The following SEMA6B variants were observed in gnomAD, a reference collection of about 807,000 sequenced individuals.
The protein encoded by SEMA6B is semaphorin-6B.
Under a neutral mutation model 78.6 loss-of-function variants are expected in SEMA6B, and 47 were observed. The ratio of observed to expected loss-of-function variants is 0.60; its 90% CI spans 0.47 to 0.76. SEMA6B has a LOEUF of 0.76. SEMA6B is among the 30% of genes least tolerant of loss of function. The probability of loss-of-function intolerance (pLI) is 0.00; values close to 1 mark genes in which losing one functional copy is unlikely to be tolerated. For missense variants in SEMA6B, 1,213 were observed against 1,269.9 expected, an observed-to-expected ratio of 0.96 and a Z score of 0.68; for synonymous variants, 632 against 592.2, an observed-to-expected ratio of 1.07 and a Z score of -0.98.
rs1040647655 is a variant in SEMA6B at position 4,555,717 on chromosome 19, C to T, written c.472-153G>A. 1.3e-5 allele frequency among the ~76,000 whole-genome samples: 2 copies of T among 152,340 alleles called. No individual in the cohort carries two copies. Among genetic ancestry groups the T allele is most frequent in the East Asian group, 1.9e-4 (1 of 5,188 alleles). ...CTTAACCTCTCAGGGCCTCAGTTTA[C>T]TGATCTGTAAATGGGTTTAAGAGTC... On this transcript the variant is annotated intron_variant, in intron 6 of 16. Transcript: ENST00000586582. The surrounding 1 kb of genome is among the most constrained non-coding windows in gnomAD (Gnocchi z 6.1).
Position 4,550,934 on chromosome 19 carries a change from A to G in SEMA6B, c.990-4T>C, listed in dbSNP as rs367556731. 6.2e-6 allele frequency: 10 copies of G among 1,613,328 alleles called. No homozygotes were observed. Among genetic ancestry groups the G allele is most frequent in the Non-Finnish European group, 8.5e-6 (10 of 1,179,940 alleles). On this transcript the variant is annotated splice_polypyrimidine_tract_variant and splice_region_variant and intron_variant, in intron 10 of 16. Coordinates refer to ENST00000586582, the MANE Select transcript of SEMA6B (RefSeq NM_032108.4). The surrounding 1 kb of genome is among the most constrained non-coding windows in gnomAD (Gnocchi z 6.6). ...GCAGACAGCCGAGCCAGGGATGCTG[A>G]GGGGTTGGGATGAAAGAGTTTGGTG... is the stretch of plus-strand genomic sequence containing the variant.
chr19:4,555,657 T>A lies in SEMA6B; in HGVS notation c.472-93A>T, dbSNP rs558322705. 3 of 1,002,904 alleles carry A rather than the reference T, an allele frequency of 3.0e-6. No individual in the cohort carries two copies. The African/African-American group carries it at 4.8e-5, about 16-fold the overall frequency. 62.1% of individuals were successfully genotyped at this position (1,002,904 alleles called of 1,614,324 possible). On this transcript the variant is annotated intron_variant, in intron 6 of 16. Coordinates refer to ENST00000586582, the MANE Select transcript of SEMA6B (RefSeq NM_032108.4). This position sits in a 1 kb window ranked among gnomAD's most constrained non-coding sequence, Gnocchi z 6.1. Reference sequence around the variant, plus strand: ...CCCCCCACTCCAGGGGGAATCCTGATCCACCACGGATTACTGTGTGACCTT... The same window carrying A: ...CCCCCCACTCCAGGGGGAATCCTGAACCACCACGGATTACTGTGTGACCTT...
In SEMA6B at chr19:4,544,568, G is replaced by A. The variant is rs769282597; in HGVS notation, c.1739-39C>T. On this transcript the variant is annotated intron_variant, in intron 16 of 16. Coordinates refer to ENST00000586582, the MANE Select transcript of SEMA6B (RefSeq NM_032108.4). The surrounding 1 kb of genome is among the most constrained non-coding windows in gnomAD (Gnocchi z 5.1). ...ACAGGGGGGTTAGTGGGGCCGGCGG[G>A]GTGGCCCTGGGCATCCCTCCTACCT... is the stretch of plus-strand genomic sequence containing the variant. 6.6e-6 allele frequency: 9 copies of A among 1,356,424 alleles called. No individual in the cohort carries two copies. Among genetic ancestry groups the A allele is most frequent in the Non-Finnish European group, 8.7e-6 (9 of 1,034,350 alleles). The allele number at this position is 1,356,424 out of a possible 1,614,324, so 84.0% of individuals were successfully genotyped here.
chr19:4,558,121 G>A lies in SEMA6B; in HGVS notation c.150C>T (p.Gly50=). 1 of 1,520,710 alleles carries A rather than the reference G, an allele frequency of 6.6e-7. No homozygotes were observed. The highest frequency in any genetic ancestry group is 1.7e-4 in the Middle Eastern group (1 of 5,720). 94.2% of individuals were successfully genotyped at this position (1,520,710 alleles called of 1,614,324 possible). A position where few individuals can be genotyped will look rare whatever the true frequency, so the allele number is the denominator to read the frequency against. The change falls in exon 3 of 17, where the codon GGC becomes GGT. Residue 50 remains glycine, a synonymous_variant. Transcript: ENST00000586582. This position sits in a 1 kb window ranked among gnomAD's most constrained non-coding sequence, Gnocchi z 5.1. Reference sequence around the variant, plus strand: ...CGGGGGTCAGGCGTCCGGGCCCGCTGCCCACAAACACGGGATAGTGGTTCA... The same window carrying A: ...CGGGGGTCAGGCGTCCGGGCCCGCTACCCACAAACACGGGATAGTGGTTCA... ...DYLNHYPVFV[G]SGPGRLTPAE... is the part of the protein sequence containing the mutation.
intron 12 of SEMA6B, among the ~76,000 whole-genome samples, chr19:4,549,270 T>C (rs1366482231): frequency 2.0e-5 from 3 of 151,388 alleles, no homozygotes; most frequent in East Asian, 3.9e-4. Context: ...CCCCCTTTGT[T>C]CTCCTGGTGT....
rs1408034628 is a variant in SEMA6B at position 4,555,129 on chromosome 19, A to G, written c.563-34T>C. 16 of 1,611,572 alleles carry G rather than the reference A, an allele frequency of 9.9e-6. No individual in the cohort carries two copies. Among genetic ancestry groups the G allele is most frequent in the East Asian group, 2.2e-5 (1 of 44,876 alleles). On this transcript the variant is annotated intron_variant, in intron 7 of 16. Transcript: ENST00000586582. This position sits in a 1 kb window ranked among gnomAD's most constrained non-coding sequence, Gnocchi z 6.1. The stretch of plus-strand genomic sequence containing the variant: ...GGTGGGTGGGGAAGGCAGGCAAGAG[A>G]TGAGACCGCAGAGGCCAGGGGCTGG...
rs771903243 is a variant in SEMA6B, at chr19:4,552,481, G to C, written c.930C>G (p.Gly310=). 56 of 1,610,650 alleles carry C rather than the reference G, an allele frequency of 3.5e-5. No homozygotes were observed. The highest frequency in any genetic ancestry group is 4.7e-5 in the Non-Finnish European group (55 of 1,179,084). The change falls in exon 10 of 17, where the codon GGC becomes GGG. Residue 310 remains glycine (G), a synonymous_variant. Transcript: ENST00000586582. This position sits in a 1 kb window ranked among gnomAD's most constrained non-coding sequence, Gnocchi z 7.4. Reference sequence around the variant, plus strand: ...CGGGCCGGCCCCCGAGGCTGACCACGCCCGTGACAGCCTGCAGCACGTTGA... The same window carrying C: ...CGGGCCGGCCCCCGAGGCTGACCACCCCCGTGACAGCCTGCAGCACGTTGA... The part of the protein sequence containing the change: ...FYFNVLQAVT[G]VVSLGGRPVV...
In SEMA6B at chr19:4,543,427, G is replaced by A. The variant is rs943762080; in HGVS notation, c.*174C>T. The A allele has an allele frequency of 1.0e-5, 4 of 389,494 alleles. No homozygotes were observed. Among genetic ancestry groups the A allele is most frequent in the Non-Finnish European group, 1.8e-5 (4 of 220,878 alleles). 24.1% of individuals were successfully genotyped at this position (389,494 alleles called of 1,614,324 possible). On this transcript the variant is annotated 3_prime_UTR_variant, in exon 17 of 17. Transcript: ENST00000586582. ...AGCGTCCTGCGGCCCCGGGTAGGGG[G>A]AGGGCGAGCTGGTTGTGCTTCCTTG... is the stretch of plus-strand genomic sequence containing the variant.
Position 4,546,482 on chromosome 19 carries a change from A to G in SEMA6B, c.1602-13T>C. ...GCCGATACAGTTCCTAGAGCAGACC[A>G]GGGACCGAATGGGACAAGTGTCCAA... On this transcript the variant is annotated splice_polypyrimidine_tract_variant and intron_variant, in intron 14 of 16. Transcript: ENST00000586582. 2 of 1,541,548 alleles carry G rather than the reference A, an allele frequency of 1.3e-6. No homozygotes were observed. Among genetic ancestry groups the G allele is most frequent in the East Asian group, 2.4e-5 (1 of 41,050 alleles).
chr19:4,553,219 T>A (rs1173224039), intron 9 of SEMA6B, among the ~76,000 whole-genome samples: 1 of 152,134 alleles, frequency 6.6e-6, no homozygotes, highest in African/African-American at 2.4e-5. Flanking sequence ...GATGTGTGGG[T>A]GGATGGATGA....
intron 12 of SEMA6B, among the ~76,000 whole-genome samples, chr19:4,548,935 C>T (rs2079768544): frequency 6.6e-6 from 1 of 152,228 alleles, no homozygotes; most frequent in African/African-American, 2.4e-5. Context: ...TCTCCTGCCT[C>T]AGCCTCCCAA....
chr19:4,552,722 A>C lies in SEMA6B; in HGVS notation c.772-83T>G. On this transcript the variant is annotated intron_variant, in intron 9 of 16. Transcript: ENST00000586582. This position sits in a 1 kb window ranked among gnomAD's most constrained non-coding sequence, Gnocchi z 7.4. ...CACAGGCTGTGCCACTCACCACCCA[A>C]ACTGTGATGGAGGAGTCTGACCCTG... is the stretch of plus-strand genomic sequence containing the variant. The C allele has an allele frequency of 3.1e-6, 4 of 1,309,250 alleles. No homozygotes were observed. The highest frequency in any genetic ancestry group is 1.5e-5 in the African/African-American group (1 of 68,186). The allele number at this position is 1,309,250 out of a possible 1,614,324, so 81.1% of individuals were successfully genotyped here. A position where few individuals can be genotyped will look rare whatever the true frequency, so the allele number is the denominator to read the frequency against.
At position 4,548,359 on chromosome 19, in the gene SEMA6B, G is replaced by C. The variant is rs186951396; in HGVS notation, c.1358C>G (p.Thr453Arg). The C allele has an allele frequency of 1.4e-5, 23 of 1,613,798 alleles. No homozygotes were observed. In the East Asian group the frequency reaches 5.1e-4, roughly 36 times the overall value. Reference protein sequence around the residue: ...TVVFLGSEAGTVLKFLVRPNA... With the variant: ...TVVFLGSEAGRVLKFLVRPNA... ...GGGCCGGACGAGGAACTTGAGGACCGTCCCCGCCTCAGAACCCAGGAAGAC... is the reference window on the plus strand; with the variant it reads ...GGGCCGGACGAGGAACTTGAGGACCCTCCCCGCCTCAGAACCCAGGAAGAC... Residue 453 changes from threonine (T) to arginine (R), a missense_variant, in exon 13 of 17, where the codon ACG becomes AGG. Thr to Arg is a moderately conservative substitution (Grantham distance 71, BLOSUM62 -1). Transcript: ENST00000586582.
rs373058801 is a variant in SEMA6B at position 4,555,937 on chromosome 19, G to A, written c.471+51C>T. ...AAGCCATGGCCAGCGGAGGTCGGGC[G>A]AGCAGAGGCCTGGAGGTTGGACCTG... is the stretch of plus-strand genomic sequence containing the variant. On this transcript the variant is annotated intron_variant, in intron 6 of 16. Transcript: ENST00000586582. This position sits in a 1 kb window ranked among gnomAD's most constrained non-coding sequence, Gnocchi z 6.1. The A allele has an allele frequency of 4.2e-6, 6 of 1,439,370 alleles. No homozygotes were observed. Among genetic ancestry groups the A allele is most frequent in the African/African-American group, 2.8e-5 (2 of 71,364 alleles). The allele number at this position is 1,439,370 out of a possible 1,614,324, so 89.2% of individuals were successfully genotyped here.
rs868547236 is a variant in SEMA6B, at chr19:4,550,777, T to A, written c.1121+22A>T. On this transcript the variant is annotated intron_variant, in intron 11 of 16. Transcript: ENST00000586582. The surrounding 1 kb of genome is among the most constrained non-coding windows in gnomAD (Gnocchi z 6.6). ...TCAGGACCTCATCCGGGCATGTGAC[T>A]CAGGATGGAGGGGGTTCTCACCGGG... 1 of 1,612,382 alleles carries A rather than the reference T, an allele frequency of 6.2e-7. No individual in the cohort carries two copies. The highest frequency in any genetic ancestry group is 1.7e-4 in the Middle Eastern group (1 of 6,050).
chr19:4,555,337 GC>G lies in SEMA6B; in HGVS notation c.562+136del. On this transcript the variant is annotated intron_variant, in intron 7 of 16. Coordinates refer to ENST00000586582, the MANE Select transcript of SEMA6B (RefSeq NM_032108.4). This position sits in a 1 kb window ranked among gnomAD's most constrained non-coding sequence, Gnocchi z 6.1. ...AATCCCAGCTGAGCCCCAAACCTGGGCTGAGAGTCTGCCCATGTCACAGCTG... is the reference window on the plus strand; with the variant it reads ...AATCCCAGCTGAGCCCCAAACCTGGGTGAGAGTCTGCCCATGTCACAGCTG... 1.2e-6 allele frequency: 1 copy of G among 862,488 alleles called. No individual in the cohort carries two copies. Among genetic ancestry groups the G allele is most frequent in the Non-Finnish European group, 1.8e-6 (1 of 561,608 alleles). 53.4% of individuals were successfully genotyped at this position (862,488 alleles called of 1,614,324 possible).
At position 4,548,247 on chromosome 19, in the gene SEMA6B, C is replaced by A; in HGVS notation, c.1454+16G>T. On this transcript the variant is annotated intron_variant, in intron 13 of 16. Transcript: ENST00000586582. ...CCTCCTGCTGGCGACCCCTTCCCAC[C>A]TTTGCCCAGACTTACCTGTCCGGCC... The A allele has an allele frequency of 6.3e-7, 1 of 1,599,690 alleles. No individual in the cohort carries two copies. Among genetic ancestry groups the A allele is most frequent in the South Asian group, 1.1e-5 (1 of 90,836 alleles).
intron 16 of SEMA6B, among the ~76,000 whole-genome samples, chr19:4,545,126 T>C (rs1338952156): frequency 2.6e-5 from 4 of 151,692 alleles, no homozygotes; most frequent in African/African-American, 7.3e-5. Flanking sequence ...GGAGATCACC[T>C]GAGGTCAGAA....
In SEMA6B at chr19:4,552,598, C is replaced by T. The variant is rs990923581; in HGVS notation, c.813G>A (p.Val271=). ...SRVARVCKND[V]GGSPRVLEKQ... Reference sequence around the variant, plus strand: ...TCTCCAGCACGCGGGGGGAGCCTCCCACGTCGTTCTTGCACACTCGGGCCA... The same window carrying T: ...TCTCCAGCACGCGGGGGGAGCCTCCTACGTCGTTCTTGCACACTCGGGCCA... The change falls in exon 10 of 17, where the codon GTG becomes GTA. Residue 271 remains valine (V), a synonymous_variant. Coordinates refer to ENST00000586582, the MANE Select transcript of SEMA6B (RefSeq NM_032108.4). This position sits in a 1 kb window ranked among gnomAD's most constrained non-coding sequence, Gnocchi z 7.4. 3.1e-6 allele frequency: 5 copies of T among 1,612,090 alleles called. No homozygotes were observed. The highest frequency in any genetic ancestry group is 1.3e-5 in the African/African-American group (1 of 74,878).
Sources: allele counts gnomAD v4.1 joint callset (sites outside exome capture counted in the v4.1 genomes callset), GRCh38; gene constraint gnomAD v4.1.1; non-coding constraint Gnocchi (gnomAD v3.1); transcripts MANE v1.5; gene names NCBI Gene and HGNC (gene_info 2026-07-23, HGNC 2026-07-21).